CELF4: variants seen among roughly 807,000 people sequenced by gnomAD.
The protein encoded by CELF4 is CUGBP Elav-like family member 4.
Under a neutral mutation model 59.9 loss-of-function variants are expected in CELF4, and 18 were observed. The ratio of observed to expected loss-of-function variants is 0.30; its 90% CI spans 0.21 to 0.45. The LOEUF (loss-of-function observed/expected upper bound fraction) is 0.45, where lower values mean the gene tolerates loss of function less well. CELF4 is among the 20% of genes least tolerant of loss of function. The pLI is 1.00. For synonymous variants in CELF4, 261 were observed against 267.1 expected (o/e 0.98, Z 0.22); for missense variants, 456 against 689.0 (o/e 0.66, Z 3.79).
intron 6 of CELF4, chr18:37,273,903 C>T (rs952757018): frequency 1.9e-6 from 2 of 1,035,484 alleles, no homozygotes. Context: ...AGGAGCCCTG[C>T]CAGGAGAGAC....
intron 1 of CELF4, among the ~76,000 whole-genome samples, chr18:37,537,638 A>G (rs115449393): frequency 0.016 from 2,402 of 152,184 alleles, 70 homozygotes; most frequent in African/African-American, 0.054. Context: ...TGTTTATTTT[A>G]TTTCCTTGCT....
At chr18:37,504,306 C>T (rs934399428) in intron 1 of CELF4, among the ~76,000 whole-genome samples, 1 of 152,024 alleles carries the variant, frequency 6.6e-6, no homozygotes, top group Non-Finnish European at 1.5e-5. Flanking sequence ...GCCTGGCCAA[C>T]ATGGTGAAAC....
At chr18:37,330,750 C>A (rs1174448869) in intron 2 of CELF4, among the ~76,000 whole-genome samples, 2 of 152,176 alleles carry the variant, frequency 1.3e-5, no homozygotes, top group African/African-American at 4.8e-5. Context: ...CTCATCTGTG[C>A]CCTTGCAGCA....
At chr18:37,550,842 A>G (rs575365199) in intron 1 of CELF4, among the ~76,000 whole-genome samples, 48 of 152,328 alleles carry the variant, frequency 3.2e-4, no homozygotes, top group African/African-American at 1.2e-3. Context: ...TCTTTGGGTT[A>G]AGGACTGGGC....
intron 2 of CELF4, among the ~76,000 whole-genome samples, chr18:37,404,870 C>A (rs2154586674): frequency 6.6e-6 from 1 of 152,382 alleles, no homozygotes; most frequent in Admixed American, 6.5e-5. Flanking sequence ...GGGTTAAGCA[C>A]TGCCCATCCC....
rs1304692725 is a variant in CELF4, at chr18:37,353,279, G to T, written c.370-31398C>A. On this transcript the variant is annotated intron_variant, in intron 2 of 12. Transcript: ENST00000420428. ...AAAAGACCCTTTCTTGGGGGGCTTA[G>T]GGACCAGGGGTAAGCTCAACTGGGC... 2.0e-5 allele frequency among the ~76,000 whole-genome samples: 3 copies of T among 150,102 alleles called. No individual in the cohort carries two copies. In the East Asian group the frequency reaches 5.9e-4, roughly 30 times the overall value.
At chr18:37,313,690 T>C (rs2096758677) in intron 3 of CELF4, among the ~76,000 whole-genome samples, 1 of 152,222 alleles carries the variant, frequency 6.6e-6, no homozygotes, top group Admixed American at 6.5e-5. Context: ...CAACACATTG[T>C]CTGTGTCTGT....
intron 2 of CELF4, among the ~76,000 whole-genome samples, chr18:37,440,077 T>G (rs2099707634): frequency 1.3e-5 from 2 of 152,180 alleles, no homozygotes; most frequent in African/African-American, 4.8e-5. Flanking sequence ...TTGGAGCCAT[T>G]AGCCATGTGA....
At chr18:37,560,121 CTG>C (rs1322720242) in intron 1 of CELF4, among the ~76,000 whole-genome samples, 1 of 152,202 alleles carries the variant, frequency 6.6e-6, no homozygotes, top group Non-Finnish European at 1.5e-5. Flanking sequence ...CCCATTAAAA[CTG>C]TGTGTGCTTG....
chr18:37,498,777 C>A (rs1427608057), intron 1 of CELF4, among the ~76,000 whole-genome samples: 1 of 152,054 alleles, frequency 6.6e-6, no homozygotes. Context: ...AGGGTTGCAC[C>A]TGGCCTGGGA....
chr18:37,348,911 C>G (rs1385944600), intron 2 of CELF4, among the ~76,000 whole-genome samples: 1 of 152,128 alleles, frequency 6.6e-6, no homozygotes, highest in Non-Finnish European at 1.5e-5. Flanking sequence ...GGGAGCTGCA[C>G]TGGGGGGTCT....
chr18:37,274,197 A>G (rs2092519454), intron 6 of CELF4, 114 bp downstream of exon 6: 1 of 1,518,936 alleles, frequency 6.6e-7, no homozygotes, highest in East Asian at 2.4e-5. Context: ...GCCCCTCCTC[A>G]CTCTGGAGGG....
rs530805759 is a variant in CELF4 at position 37,502,819 on chromosome 18, C to T, written c.287-17212G>A. ...AGGCCTCGGTAACATCTCACCTCGT[C>T]CAGGCAGCCCTCCCAAGCCCTCTAG... is the stretch of plus-strand genomic sequence containing the variant. On this transcript the variant is annotated intron_variant, in intron 1 of 12. Transcript: ENST00000420428. Among the ~76,000 whole-genome samples the T allele has an allele frequency of 2.0e-5, 3 of 152,330 alleles. No homozygotes were observed. In the East Asian group the frequency reaches 5.8e-4, roughly 29 times the overall value.
intron 1 of CELF4, among the ~76,000 whole-genome samples, chr18:37,520,796 T>C (rs1005461532): frequency 6.6e-6 from 1 of 152,180 alleles, no homozygotes; most frequent in Admixed American, 6.5e-5. Context: ...GTCCTTCTGT[T>C]CCTAGCACAC....
intron 1 of CELF4, among the ~76,000 whole-genome samples, chr18:37,522,077 G>GGAGAA (rs2099958084): frequency 6.6e-6 from 1 of 152,086 alleles, no homozygotes; most frequent in Non-Finnish European, 1.5e-5. Context: ...TAAGAGGAGA[G>GGAGAA]GAGAAATGGT....
At chr18:37,285,536 G>A (rs2094652152) in intron 3 of CELF4, among the ~76,000 whole-genome samples, 1 of 152,210 alleles carries the variant, frequency 6.6e-6, no homozygotes, top group Admixed American at 6.5e-5. Context: ...CCACCCTCTG[G>A]GGGGCCAGGA....
intron 2 of CELF4, among the ~76,000 whole-genome samples, chr18:37,419,582 G>A (rs1396462844): frequency 6.6e-6 from 1 of 152,150 alleles, no homozygotes; most frequent in African/African-American, 2.4e-5. Flanking sequence ...TGTGGTCAGG[G>A]GGAAGGGAGG....
intron 2 of CELF4, among the ~76,000 whole-genome samples, chr18:37,389,356 G>C (rs746294042): frequency 6.6e-6 from 1 of 152,148 alleles, no homozygotes; most frequent in African/African-American, 2.4e-5. Flanking sequence ...GCAGGCCACC[G>C]GAATGTAGGG....
At chr18:37,466,415 T>TG (rs1252682684) in intron 2 of CELF4, among the ~76,000 whole-genome samples, 38 of 42,622 alleles carry the variant, frequency 8.9e-4, no homozygotes, top group African/African-American at 3.2e-3. Flanking sequence ...TCGATCTTCA[T>TG]GGGGTGGGGG....
Sources: gnomAD v4.1 joint callset for allele counts (sites outside exome capture counted in the v4.1 genomes callset) on GRCh38, gnomAD v4.1.1 for gene constraint, MANE v1.5 for transcripts, NCBI Gene and HGNC (gene_info 2026-07-23, HGNC 2026-07-21) for gene names.